Variants in HDAC4 observed in about 807,000 individuals in gnomAD.
The protein encoded by HDAC4 is histone deacetylase 4.
HDAC4 carries 16 observed loss-of-function variants against 135.1 expected under a neutral mutation model. The observed-to-expected ratio is 0.12, with a 90% confidence interval of 0.08 to 0.18. HDAC4 has a LOEUF of 0.18. Among genes scored for constraint, HDAC4 ranks in the 10% least tolerant of loss-of-function variants. HDAC4 has a pLI of 1.00. For missense variants in HDAC4, 1,143 were observed against 1,511.8 expected, an observed-to-expected ratio of 0.76 and a Z score of 4.05; for synonymous variants, 685 against 653.4, an observed-to-expected ratio of 1.05 and a Z score of -0.74.
chr2:239,362,131 G>A (rs1445193698), intron 1 of HDAC4, among the ~76,000 whole-genome samples: 1 of 152,204 alleles, frequency 6.6e-6, no homozygotes, highest in Non-Finnish European at 1.5e-5. Context: ...CTGAGCCACA[G>A]AGCCTGTGAT....
At chr2:239,114,488 A>G (rs765774662) in intron 13 of HDAC4, among the ~76,000 whole-genome samples, 2 of 152,184 alleles carry the variant, frequency 1.3e-5, no homozygotes, top group Non-Finnish European at 2.9e-5. Flanking sequence ...TTAATGTTTC[A>G]ATGGAAATTA....
chr2:239,143,669 G>T (rs1025351387), intron 8 of HDAC4, among the ~76,000 whole-genome samples: 2 of 152,214 alleles, frequency 1.3e-5, no homozygotes, highest in African/African-American at 4.8e-5. Context: ...TAGCGGGTAG[G>T]TCTGGCTCTC....
chr2:239,216,500 G>A lies in HDAC4; in HGVS notation c.94+20093C>T, dbSNP rs117082555. 2.0e-3 allele frequency among the ~76,000 whole-genome samples: 311 copies of A among 152,292 alleles called. 5 individuals carry two copies. The East Asian group carries it at 0.033, about 16-fold the overall frequency. On this transcript the variant is annotated intron_variant, in intron 3 of 26. Coordinates refer to ENST00000543185, the MANE Select transcript of HDAC4 (RefSeq NM_001378414.1). ...GGTGCTCACTGTCCACACCTGCTGC[G>A]CTGCAGACCACTAACAACCAAAACC...
chr2:239,166,857 G>C (rs575996060), intron 5 of HDAC4, among the ~76,000 whole-genome samples: 3 of 152,386 alleles, frequency 2.0e-5, no homozygotes, highest in Non-Finnish European at 2.9e-5. Context: ...CAATGAGTAT[G>C]TTAAATCAGC....
chr2:239,094,577 G>A (rs2036823107), intron 17 of HDAC4: 7 of 1,114,164 alleles, frequency 6.3e-6, no homozygotes, highest in Non-Finnish European at 7.7e-6. Context: ...GACTCCACGT[G>A]GCCCATGAGT....
chr2:239,344,280 A>G (rs910003814), intron 2 of HDAC4, among the ~76,000 whole-genome samples: 9 of 152,184 alleles, frequency 5.9e-5, no homozygotes, highest in African/African-American at 2.2e-4. Flanking sequence ...TGTCAAATAC[A>G]TACCGGGAGT....
intron 12 of HDAC4, among the ~76,000 whole-genome samples, chr2:239,123,511 G>C (rs544742424): frequency 2.6e-5 from 4 of 152,250 alleles, no homozygotes; most frequent in Non-Finnish European, 5.9e-5. Context: ...AAGGCCCCAA[G>C]GGGCCCATCT....
chr2:239,203,295 G>A (rs1002267891), intron 3 of HDAC4, among the ~76,000 whole-genome samples: 36 of 152,298 alleles, frequency 2.4e-4, no homozygotes, highest in African/African-American at 8.4e-4. Flanking sequence ...AATCCTCCCT[G>A]TCCCTTTTTA....
At chr2:239,198,188 C>T (rs1368626476) in intron 3 of HDAC4, among the ~76,000 whole-genome samples, 6 of 152,120 alleles carry the variant, frequency 3.9e-5, no homozygotes, top group African/African-American at 1.2e-4. Context: ...TGCTCTCCAC[C>T]GTCCCTGCAA....
rs76583402 is a variant in HDAC4 at position 239,224,371 on chromosome 2, C to T, written c.94+12222G>A. 6.5e-3 allele frequency among the ~76,000 whole-genome samples: 983 copies of T among 152,328 alleles called. 22 individuals carry two copies. In the East Asian group the frequency reaches 0.072, roughly 11 times the overall value. On this transcript the variant is annotated intron_variant, in intron 3 of 26. Coordinates refer to ENST00000543185, the MANE Select transcript of HDAC4 (RefSeq NM_001378414.1). ...TGGCCACTGCATTCTCTGTGGCATA[C>T]GTCACGTGGTGTCGCTTCTCTGCTC...
intron 7 of HDAC4, among the ~76,000 whole-genome samples, chr2:239,149,393 T>A (rs1213124621): frequency 6.0e-5 from 9 of 151,088 alleles, no homozygotes; most frequent in Non-Finnish European, 8.9e-5. Context: ...AATAAATAAA[T>A]AAATAAAAAG....
chr2:239,064,906 G>A (rs939661580), intron 24 of HDAC4, among the ~76,000 whole-genome samples: 2 of 152,226 alleles, frequency 1.3e-5, no homozygotes, highest in African/African-American at 2.4e-5. Context: ...CAGACAGTGG[G>A]CCAGAGAGTG....
intron 4 of HDAC4, among the ~76,000 whole-genome samples, chr2:239,185,196 C>G (rs1400718840): frequency 6.6e-6 from 1 of 151,788 alleles, no homozygotes; most frequent in Non-Finnish European, 1.5e-5. Flanking sequence ...GAGGTGCACC[C>G]CATGGGGTGC....
At chr2:239,162,630 C>T (rs530046793) in intron 6 of HDAC4, among the ~76,000 whole-genome samples, 1 of 152,282 alleles carries the variant, frequency 6.6e-6, no homozygotes, top group East Asian at 1.9e-4. Flanking sequence ...TGCTGCCTCC[C>T]ATGGACGCCG....
At chr2:239,344,492 G>A (rs1422334009) in intron 2 of HDAC4, among the ~76,000 whole-genome samples, 1 of 152,050 alleles carries the variant, frequency 6.6e-6, no homozygotes, top group African/African-American at 2.4e-5. Flanking sequence ...CATAATGACT[G>A]AGTACTCGTG....
At chr2:239,163,741 G>A (rs372433947) in intron 6 of HDAC4, 62 bp downstream of exon 6, 13 of 1,561,742 alleles carry the variant, frequency 8.3e-6, no homozygotes, top group South Asian at 3.3e-5. Flanking sequence ...ATCTACCGGC[G>A]ATCAGACAGT....
chr2:239,171,623 C>A (rs750229092), intron 5 of HDAC4, among the ~76,000 whole-genome samples: 1 of 152,072 alleles, frequency 6.6e-6, no homozygotes, highest in Non-Finnish European at 1.5e-5. Flanking sequence ...TCTAAGAATT[C>A]ATAACAGTAT....
At chr2:239,100,312 C>T (rs575048605) in intron 16 of HDAC4, among the ~76,000 whole-genome samples, 3 of 152,356 alleles carry the variant, frequency 2.0e-5, no homozygotes, top group African/African-American at 4.8e-5. Context: ...AGAGCTGTCA[C>T]GTTTTGCTCC....
At chr2:239,281,479 ACAC>A (rs2050745237) in intron 2 of HDAC4, among the ~76,000 whole-genome samples, 1 of 144,382 alleles carries the variant, frequency 6.9e-6, no homozygotes, top group Non-Finnish European at 1.5e-5. Flanking sequence ...TACAATGTAC[ACAC>A]CACTCTACAA....
Sources: gnomAD v4.1 joint callset for allele counts (sites outside exome capture counted in the v4.1 genomes callset) on GRCh38, gnomAD v4.1.1 for gene constraint, MANE v1.5 for transcripts, NCBI Gene and HGNC (gene_info 2026-07-23, HGNC 2026-07-21) for gene names.